Variants in SGCZ observed in about 807,000 individuals in gnomAD.
SGCZ encodes the protein zeta-sarcoglycan.
A neutral mutation model predicts 41.3 loss-of-function variants in SGCZ; 40 were observed. The ratio of observed to expected loss-of-function variants is 0.97; its 90% CI spans 0.75 to 1.26. The LOEUF (loss-of-function observed/expected upper bound fraction) is 1.26, where lower values mean the gene tolerates loss of function less well. Among genes scored for constraint, SGCZ ranks in the 50% most tolerant of loss-of-function variants. The probability of loss-of-function intolerance (pLI) is 0.00; values close to 1 mark genes in which losing one functional copy is unlikely to be tolerated. For missense variants in SGCZ, 552 were observed against 369.8 expected, an observed-to-expected ratio of 1.49 and a Z score of -4.04; for synonymous variants, 206 against 137.5, an observed-to-expected ratio of 1.50 and a Z score of -3.49.
intron 1 of SGCZ, among the ~76,000 whole-genome samples, chr8:14,725,222 C>T (rs1810011640): frequency 1.3e-5 from 2 of 152,160 alleles, no homozygotes; most frequent in African/African-American, 4.8e-5. Flanking sequence ...ATATAGACCA[C>T]CTTTACTCAT....
Position 14,809,836 on chromosome 8 carries a change from T to G in SGCZ, c.40-254910A>C, listed in dbSNP as rs973542376. Among the ~76,000 whole-genome samples, 4 of 152,080 alleles carry G rather than the reference T, an allele frequency of 2.6e-5. 1 individual carries two copies. The highest frequency in any genetic ancestry group is 4.8e-5 in the African/African-American group (2 of 41,432). On this transcript the variant is annotated intron_variant, in intron 1 of 7. Coordinates refer to ENST00000382080, the MANE Select transcript of SGCZ (RefSeq NM_139167.4). Reference sequence around the variant, plus strand: ...AAGATACTGCAAAAGTACTATTAATTCTGATGTTTAAGAACGCAAGCCATA... The same window carrying G: ...AAGATACTGCAAAAGTACTATTAATGCTGATGTTTAAGAACGCAAGCCATA...
At chr8:15,043,839 T>C (rs1804202520) in intron 1 of SGCZ, among the ~76,000 whole-genome samples, 1 of 152,070 alleles carries the variant, frequency 6.6e-6, no homozygotes, top group Non-Finnish European at 1.5e-5. Context: ...TCTCAGTGCT[T>C]TAGTGTTATA....
intron 1 of SGCZ, among the ~76,000 whole-genome samples, chr8:14,694,451 T>C (rs944141838): frequency 2.6e-5 from 4 of 152,218 alleles, no homozygotes; most frequent in African/African-American, 9.6e-5. Flanking sequence ...TTTATTATAG[T>C]TGTCAAGAAC....
chr8:15,012,606 AAT>A (rs1563436079), intron 1 of SGCZ, among the ~76,000 whole-genome samples: 42 of 109,164 alleles, frequency 3.8e-4, no homozygotes, highest in African/African-American at 1.1e-3. Flanking sequence ...ATATTTATAT[AAT>A]ACATATATGT....
intron 2 of SGCZ, among the ~76,000 whole-genome samples, chr8:14,450,221 C>A (rs1363140632): frequency 6.6e-6 from 1 of 152,178 alleles, no homozygotes; most frequent in African/African-American, 2.4e-5. Flanking sequence ...TCTCTACTGA[C>A]AACTTAATTC....
intron 1 of SGCZ, among the ~76,000 whole-genome samples, chr8:14,698,137 A>T (rs900756814): frequency 3.9e-5 from 6 of 152,016 alleles, no homozygotes; most frequent in African/African-American, 1.4e-4. Flanking sequence ...CTAGCAGTCA[A>T]ACAAAATATA....
At chr8:14,791,471 A>C (rs2257068) in intron 1 of SGCZ, among the ~76,000 whole-genome samples, 110,861 of 151,482 alleles carry the variant, frequency 0.73, 41,453 homozygotes, top group African/African-American at 0.89. Flanking sequence ...AAAAAAAAAA[A>C]TCCTATTTTT....
At chr8:14,573,790 A>T (rs534505259) in intron 1 of SGCZ, among the ~76,000 whole-genome samples, 4 of 152,294 alleles carry the variant, frequency 2.6e-5, no homozygotes, top group African/African-American at 9.6e-5. Context: ...GGGGAATCTT[A>T]GGAAGCTTAT....
intron 1 of SGCZ, among the ~76,000 whole-genome samples, chr8:15,017,075 C>G (rs1439609617): frequency 1.3e-5 from 2 of 152,132 alleles, no homozygotes; most frequent in Non-Finnish European, 2.9e-5. Context: ...TTGGAGGGGA[C>G]AAACATCCAA....
chr8:14,544,744 G>A (rs1728951646), intron 2 of SGCZ, among the ~76,000 whole-genome samples: 1 of 152,122 alleles, frequency 6.6e-6, no homozygotes, highest in Non-Finnish European at 1.5e-5. Context: ...TGTTCTTTAA[G>A]ATCTTTATCA....
intron 1 of SGCZ, among the ~76,000 whole-genome samples, chr8:14,956,332 C>G (rs1212241116): frequency 6.6e-6 from 1 of 152,100 alleles, no homozygotes; most frequent in East Asian, 1.9e-4. Flanking sequence ...GCCACCACAC[C>G]TGGCCTACTT....
At chr8:14,383,178 C>G (rs2117196484) in intron 2 of SGCZ, among the ~76,000 whole-genome samples, 1 of 152,250 alleles carries the variant, frequency 6.6e-6, no homozygotes, top group Middle Eastern at 3.4e-3. Context: ...AGCTGAAGTT[C>G]CTGTTCTATA....
At chr8:14,595,329 C>A (rs1805373346) in intron 1 of SGCZ, among the ~76,000 whole-genome samples, 1 of 151,334 alleles carries the variant, frequency 6.6e-6, no homozygotes. Context: ...TGGTAAGTTA[C>A]CAAAACAAGT....
At chr8:14,556,294 C>T (rs1275239850) in intron 1 of SGCZ, among the ~76,000 whole-genome samples, 1 of 151,418 alleles carries the variant, frequency 6.6e-6, no homozygotes, top group Non-Finnish European at 1.5e-5. Context: ...ACGAATCTAA[C>T]ATAAATACTT....
chr8:14,888,658 T>C (rs928812472), intron 1 of SGCZ, among the ~76,000 whole-genome samples: 3 of 152,170 alleles, frequency 2.0e-5, no homozygotes, highest in Non-Finnish European at 4.4e-5. Flanking sequence ...AGTAATTCTT[T>C]AGTATATTAA....
At chr8:14,703,180 A>C (rs1809224333) in intron 1 of SGCZ, among the ~76,000 whole-genome samples, 1 of 152,002 alleles carries the variant, frequency 6.6e-6, no homozygotes, top group South Asian at 2.1e-4. Flanking sequence ...ATCACAATGA[A>C]AGCACAATTC....
At chr8:15,082,665 A>G (rs1040920634) in intron 1 of SGCZ, among the ~76,000 whole-genome samples, 3 of 152,144 alleles carry the variant, frequency 2.0e-5, no homozygotes, top group Non-Finnish European at 2.9e-5. Flanking sequence ...TGACATTTCA[A>G]TACTTATTTG....
At chr8:15,089,836 T>C (rs1434306083) in intron 1 of SGCZ, among the ~76,000 whole-genome samples, 1 of 152,186 alleles carries the variant, frequency 6.6e-6, no homozygotes, top group Non-Finnish European at 1.5e-5. Flanking sequence ...AATAGAGTGA[T>C]GTGGTCTTAA....
chr8:14,704,929 T>C (rs1343222798), intron 1 of SGCZ, among the ~76,000 whole-genome samples: 1 of 152,028 alleles, frequency 6.6e-6, no homozygotes, highest in African/African-American at 2.4e-5. Context: ...TCAGTCAATG[T>C]TTTGTTCACT....
Sources: gnomAD v4.1 joint callset for allele counts (sites outside exome capture counted in the v4.1 genomes callset) on GRCh38, gnomAD v4.1.1 for gene constraint, MANE v1.5 for transcripts, NCBI Gene and HGNC (gene_info 2026-07-23, HGNC 2026-07-21) for gene names.